The following OBSL1 variants were observed in gnomAD, a reference collection of about 807,000 sequenced individuals.
OBSL1 encodes the protein obscurin like cytoskeletal adaptor 1.
Under a neutral mutation model 172.0 loss-of-function variants are expected in OBSL1, and 160 were observed. That is an observed-to-expected ratio of 0.93 (90% CI 0.82 to 1.06). OBSL1 has a LOEUF of 1.06. Ranked by LOEUF, OBSL1 falls within the 50% of genes least tolerant of loss-of-function variation. The probability of loss-of-function intolerance (pLI) is 0.00; values close to 1 mark genes in which losing one functional copy is unlikely to be tolerated. For synonymous variants in OBSL1, 1,200 were observed against 1,196.3 expected (o/e 1.00, Z -0.06); for missense variants, 2,681 against 2,715.4 (o/e 0.99, Z 0.28).
intron 5 of OBSL1, 63 bp from the exon 6 acceptor site, chr2:219,565,577 C>A (rs1696826458): frequency 6.6e-7 from 1 of 1,519,396 alleles, no homozygotes; most frequent in African/African-American, 1.4e-5. Context: ...GTGTCGGATG[C>A]ATCAGAGGGA....
chr2:219,566,792 G>T (rs1696925426), intron 5 of OBSL1, 38 bp downstream of exon 5: 6 of 1,527,472 alleles, frequency 3.9e-6, no homozygotes, highest in Non-Finnish European at 5.3e-6. Context: ...TCTGTGTCTT[G>T]ACCCTTTCTG....
intron 5 of OBSL1, among the ~76,000 whole-genome samples, chr2:219,566,119 G>A (rs1186072597): frequency 6.6e-6 from 1 of 152,144 alleles, no homozygotes. Flanking sequence ...GTCACTTAAC[G>A]TATCTGCCTG....
chr2:219,549,593 A>AGG, downstream of OBSL1: 1 of 1,451,546 alleles, frequency 6.9e-7, no homozygotes, highest in Non-Finnish European at 9.4e-7. Flanking sequence ...GTGGGGTCTC[A>AGG]GGGCTGTGGA....
At chr2:219,550,866 G>A in intron 20 of OBSL1, 24 bp from the exon 21 acceptor site, 2 of 1,578,868 alleles carry the variant, frequency 1.3e-6, no homozygotes, top group Non-Finnish European at 8.6e-7. Context: ...ACTCCACATG[G>A]GGCTGGGGAG....
downstream of OBSL1, among the ~76,000 whole-genome samples, chr2:219,548,295 C>A (rs1473679590): frequency 6.6e-6 from 1 of 152,236 alleles, no homozygotes; most frequent in Non-Finnish European, 1.5e-5. Flanking sequence ...CCATTCCAGG[C>A]ACCAGGGATA....
chr2:219,557,442 T>C lies in OBSL1; in HGVS notation c.3967A>G (p.Arg1323Gly), dbSNP rs1197708190. 1 of 1,548,494 alleles carries C rather than the reference T, an allele frequency of 6.5e-7. No individual in the cohort carries two copies. The highest frequency in any genetic ancestry group is 2.0e-5 in the Admixed American group (1 of 51,028). The change falls in exon 12 of 21, where the codon AGG becomes GGG. Residue 1323 changes from arginine (R) to glycine (G), a missense_variant. By Grantham distance (125) the Arg-to-Gly change is moderately radical. Transcript: ENST00000404537. ...GCCCCCTGCACCCGCAGCACCTGCC[T>C]GGCCCCGGCCTGCTCCAGCTGCACC... Reference protein sequence around the residue: ...GRVQLEQAGARQVLRVQGARS... With the variant: ...GRVQLEQAGAGQVLRVQGARS...
At chr2:219,562,258 G>A in intron 8 of OBSL1, 144 bp downstream of exon 8, 1 of 1,012,334 alleles carries the variant, frequency 9.9e-7, no homozygotes, top group South Asian at 1.6e-5. Flanking sequence ...AGGGGCCCTG[G>A]GCTCATCTCA....
chr2:219,563,222 G>C, intron 7 of OBSL1, 133 bp downstream of exon 7: 1 of 855,966 alleles, frequency 1.2e-6, no homozygotes. Flanking sequence ...AGGAGAAAGG[G>C]AGGAGGTCCG....
At chr2:219,550,530 C>T (rs140999265), downstream of OBSL1, 39 of 426,686 alleles carry the variant, frequency 9.1e-5, no homozygotes, top group East Asian at 1.5e-3. Flanking sequence ...ATGCTTCTGT[C>T]TCCCCCACCC....
chr2:219,569,945 C>A (rs1365626352), intron 1 of OBSL1, among the ~76,000 whole-genome samples: 1 of 152,224 alleles, frequency 6.6e-6, no homozygotes, highest in Non-Finnish European at 1.5e-5. Flanking sequence ...AGTTCTAGGG[C>A]CCTCCGGATT....
Position 219,571,316 on chromosome 2 carries a change from G to A in OBSL1, c.-84C>T. 1.1e-6 allele frequency: 1 copy of A among 902,300 alleles called. No individual in the cohort carries two copies. The highest frequency in any genetic ancestry group is 1.4e-6 in the Non-Finnish European group (1 of 690,466). The allele number at this position is 902,300 out of a possible 1,614,324, so 55.9% of individuals were successfully genotyped here. A position where few individuals can be genotyped will look rare whatever the true frequency, so the allele number is the denominator to read the frequency against. On this transcript the variant is annotated 5_prime_UTR_variant, in exon 1 of 21. Transcript: ENST00000404537. ...GCGAGCCGAGGCCCGGGGCGGCGGG[G>A]TCGGGGCGCGGCTGGGGACTGGGCG...
At position 219,571,273 on chromosome 2, in the gene OBSL1, CAGGGGG is replaced by C; in HGVS notation, c.-47_-42del. The C allele has an allele frequency of 1.2e-6, 1 of 861,602 alleles. No homozygotes were observed. The highest frequency in any genetic ancestry group is 1.5e-6 in the Non-Finnish European group (1 of 657,186). 53.4% of individuals were successfully genotyped at this position (861,602 alleles called of 1,614,324 possible). A position where few individuals can be genotyped will look rare whatever the true frequency, so the allele number is the denominator to read the frequency against. On this transcript the variant is annotated 5_prime_UTR_variant, in exon 1 of 21. Transcript: ENST00000404537. ...CCTGCAGCGGCGAACGGTGGGGGGG[CAGGGGG>C]GGGTGCGGAGGGCGAGCCGAGGCCC...
chr2:219,550,571 C>T (rs1238331558), downstream of OBSL1: 19 of 536,410 alleles, frequency 3.5e-5, no homozygotes, highest in Non-Finnish European at 4.7e-5. Context: ...ATAAATGTGC[C>T]AAACTGTGTG....
rs765376090 is a variant in OBSL1 at position 219,558,174 on chromosome 2, G to A, written c.3502+10C>T. On this transcript the variant is annotated intron_variant, in intron 10 of 20. Transcript: ENST00000404537. ...TGCCTCCCTGCCCTGGGTTGGCCAG[G>A]AGCACCCACCAGCCAGGATGACATT... The A allele has an allele frequency of 1.1e-5, 18 of 1,607,986 alleles. No individual in the cohort carries two copies. The African/African-American group carries it at 1.9e-4, about 17-fold the overall frequency.
chr2:219,558,587 G>C, intron 9 of OBSL1, 128 bp from the exon 10 acceptor site: 2 of 1,123,140 alleles, frequency 1.8e-6, no homozygotes, highest in Non-Finnish European at 2.5e-6. Context: ...GCAGTCCATG[G>C]AGCAGCTGCT....
At chr2:219,553,537 T>TA (rs1224385302) in intron 16 of OBSL1, 37 bp downstream of exon 16, 1 of 1,454,932 alleles carries the variant, frequency 6.9e-7, no homozygotes, top group Non-Finnish European at 9.6e-7. Flanking sequence ...TCGTTGGTGT[T>TA]ACACTGAAGT....
At chr2:219,569,611 A>G (rs1697190571) in intron 1 of OBSL1, among the ~76,000 whole-genome samples, 1 of 152,188 alleles carries the variant, frequency 6.6e-6, no homozygotes, top group Non-Finnish European at 1.5e-5. Context: ...AATAGTAAAA[A>G]CACGCAGGAC....
At chr2:219,551,069 G>A in intron 20 of OBSL1, 1 of 1,425,702 alleles carries the variant, frequency 7.0e-7, no homozygotes, top group East Asian at 2.5e-5. Context: ...GATAGAAGGT[G>A]GGATGTCTCT....
chr2:219,550,902 C>T, intron 20 of OBSL1, 60 bp from the exon 21 acceptor site: 8 of 1,584,254 alleles, frequency 5.0e-6, no homozygotes, highest in Non-Finnish European at 6.9e-6. Context: ...CTTCCTCTCC[C>T]CTGGCAGAGC....
Sources: gnomAD v4.1 joint callset for allele counts (sites outside exome capture counted in the v4.1 genomes callset) on GRCh38, gnomAD v4.1.1 for gene constraint, MANE v1.5 for transcripts, NCBI Gene and HGNC (gene_info 2026-07-23, HGNC 2026-07-21) for gene names.